MORC1: variants seen among roughly 807,000 people sequenced by gnomAD.
MORC1 encodes MORC family CW-type zinc finger protein 1.
In MORC1, 59 loss-of-function variants were observed where a neutral mutation model predicts 134.9. The observed-to-expected ratio is 0.44, with a 90% CI of 0.35 to 0.54. MORC1 has a LOEUF of 0.54. MORC1 is among the 20% of genes least tolerant of loss of function. The pLI is 0.00. For synonymous variants in MORC1, 395 were observed against 391.7 expected (o/e 1.01, Z -0.10); for missense variants, 947 against 1,134.5 (o/e 0.83, Z 2.37).
chr3:109,013,778 AG>A (rs1364649063), intron 17 of MORC1, among the ~76,000 whole-genome samples: 5 of 152,168 alleles, frequency 3.3e-5, no homozygotes, highest in African/African-American at 9.6e-5. Context: ...GCAATGCAAC[AG>A]TGTTGGGAGG....
intron 11 of MORC1, among the ~76,000 whole-genome samples, chr3:109,061,271 G>A (rs1198651464): frequency 2.6e-5 from 4 of 152,112 alleles, no homozygotes; most frequent in Admixed American, 6.6e-5. Flanking sequence ...TAAATATGTT[G>A]CTTAATCATT....
chr3:108,993,025 C>T (rs530000542), intron 21 of MORC1, among the ~76,000 whole-genome samples: 24 of 152,246 alleles, frequency 1.6e-4, no homozygotes, highest in African/African-American at 5.5e-4. Context: ...TTATTACTCT[C>T]GTTTTATATA....
At chr3:109,102,063 C>T (rs1950937482) in intron 4 of MORC1, among the ~76,000 whole-genome samples, 1 of 152,184 alleles carries the variant, frequency 6.6e-6, no homozygotes, top group Admixed American at 6.5e-5. Context: ...TGAAAGTAAA[C>T]TAATAAATAA....
intron 14 of MORC1, among the ~76,000 whole-genome samples, chr3:109,040,455 A>G (rs1457644943): frequency 2.0e-4 from 29 of 146,654 alleles, no homozygotes; most frequent in African/African-American, 5.3e-4. Context: ...AAAGAAAGAA[A>G]GAAAGAAAGA....
intron 8 of MORC1, among the ~76,000 whole-genome samples, chr3:109,086,221 T>C (rs769810470): frequency 1.3e-4 from 19 of 151,992 alleles, no homozygotes; most frequent in Non-Finnish European, 2.2e-4. Context: ...CAATTCAAAA[T>C]AGCTAGAAGA....
intron 26 of MORC1, among the ~76,000 whole-genome samples, chr3:108,964,696 T>C (rs563361848): frequency 5.3e-5 from 8 of 152,326 alleles, no homozygotes; most frequent in South Asian, 4.1e-4. Context: ...TGGAGATATA[T>C]AGGGTACAGT....
At chr3:109,013,279 A>T (rs1275863181) in intron 17 of MORC1, among the ~76,000 whole-genome samples, 1 of 151,922 alleles carries the variant, frequency 6.6e-6, no homozygotes, top group Non-Finnish European at 1.5e-5. Context: ...TTGTTTTTTT[A>T]AACATGTCAT....
chr3:109,028,553 G>T (rs1949150075), intron 16 of MORC1, among the ~76,000 whole-genome samples: 1 of 152,096 alleles, frequency 6.6e-6, no homozygotes, highest in African/African-American at 2.4e-5. Flanking sequence ...AATAATGTAG[G>T]ATGATTTGTA....
chr3:108,966,005 C>T (rs1424126593), intron 26 of MORC1, among the ~76,000 whole-genome samples: 1 of 152,180 alleles, frequency 6.6e-6, no homozygotes, highest in Admixed American at 6.6e-5. Flanking sequence ...GGAGGTTCTG[C>T]TAACCTCTCC....
At chr3:109,081,453 C>CT (rs34049870) in intron 8 of MORC1, among the ~76,000 whole-genome samples, 53 of 108,148 alleles carry the variant, frequency 4.9e-4, no homozygotes, top group East Asian at 2.5e-3. Context: ...AAGAATTAAA[C>CT]TTTTTTTTTT....
intron 4 of MORC1, among the ~76,000 whole-genome samples, chr3:109,101,928 T>C (rs1387201172): frequency 1.3e-4 from 20 of 152,194 alleles, no homozygotes; most frequent in Admixed American, 1.3e-3. Context: ...ATCCCATGTG[T>C]TCATTACACA....
At chr3:109,089,091 A>G (rs530934049) in intron 8 of MORC1, among the ~76,000 whole-genome samples, 8 of 152,208 alleles carry the variant, frequency 5.3e-5, no homozygotes, top group Non-Finnish European at 1.2e-4. Flanking sequence ...GGAAAGGAGC[A>G]GAAAAGGTAA....
Position 109,052,178 on chromosome 3 carries a change from AT to A in MORC1, c.1330+2549del, listed in dbSNP as rs570707212. On this transcript the variant is annotated intron_variant, in intron 14 of 27. Transcript: ENST00000232603. ...TAAACCTCACTATGTTTATGTTGAT[AT>A]TTATACCTTACACGTTTTCTACAGC... 3.9e-3 allele frequency among the ~76,000 whole-genome samples: 596 copies of A among 152,276 alleles called. 3 individuals carry two copies. The highest frequency in any genetic ancestry group is 0.014 in the African/African-American group (574 of 41,558).
intron 8 of MORC1, among the ~76,000 whole-genome samples, chr3:109,082,286 T>C (rs906400979): frequency 2.0e-5 from 3 of 147,446 alleles, no homozygotes; most frequent in Non-Finnish European, 4.5e-5. Context: ...TTACGAATAA[T>C]CTTCAAGCAA....
chr3:108,993,299 G>C (rs1396651822), intron 21 of MORC1, among the ~76,000 whole-genome samples: 1 of 152,106 alleles, frequency 6.6e-6, no homozygotes, highest in Non-Finnish European at 1.5e-5. Flanking sequence ...CGTGGTTGCT[G>C]GTAGTTCAGA....
At chr3:109,054,288 A>AT (rs1949904036) in intron 14 of MORC1, among the ~76,000 whole-genome samples, 2 of 152,126 alleles carry the variant, frequency 1.3e-5, no homozygotes, top group Admixed American at 6.5e-5. Flanking sequence ...CTCAAAAAAA[A>AT]AAAAAAAAGT....
At chr3:109,079,133 T>C (rs758108527) in intron 8 of MORC1, among the ~76,000 whole-genome samples, 7 of 152,030 alleles carry the variant, frequency 4.6e-5, no homozygotes, top group Admixed American at 1.3e-4. Context: ...GCTACCATAA[T>C]CTATATACCA....
At chr3:108,970,994 T>C (rs1314474673) in intron 25 of MORC1, among the ~76,000 whole-genome samples, 1 of 152,114 alleles carries the variant, frequency 6.6e-6, no homozygotes, top group Non-Finnish European at 1.5e-5. Flanking sequence ...ACCTACCCAA[T>C]CCTCAGCTCA....
At chr3:108,964,610 T>C (rs936996555) in intron 26 of MORC1, among the ~76,000 whole-genome samples, 1 of 152,184 alleles carries the variant, frequency 6.6e-6, no homozygotes, top group African/African-American at 2.4e-5. Flanking sequence ...AATCCCTACA[T>C]ATAGGAAATT....
Sources: allele counts gnomAD v4.1 joint callset (sites outside exome capture counted in the v4.1 genomes callset), GRCh38; gene constraint gnomAD v4.1.1; transcripts MANE v1.5; gene names NCBI Gene and HGNC (gene_info 2026-07-23, HGNC 2026-07-21).